Variants in NIPAL3 observed in about 807,000 individuals in gnomAD.
The protein encoded by NIPAL3 is NIPA-like protein 3.
A neutral mutation model predicts 47.2 loss-of-function variants in NIPAL3; 41 were observed. That is an observed-to-expected ratio of 0.87 (90% confidence interval 0.68 to 1.13). NIPAL3 has a LOEUF of 1.13. Among genes scored for constraint, NIPAL3 ranks in the 50% most tolerant of loss-of-function variants. The pLI is 0.00. For synonymous variants in NIPAL3, 194 were observed against 209.6 expected (o/e 0.93, Z 0.64); for missense variants, 449 against 530.1 (o/e 0.85, Z 1.50).
At chr1:24,418,301 G>T (rs1444560186) in intron 1 of NIPAL3, among the ~76,000 whole-genome samples, 2 of 152,298 alleles carry the variant, frequency 1.3e-5, no homozygotes, top group East Asian at 3.9e-4. Context: ...TTTTGGCCAT[G>T]CCTCCTAGGA....
At position 24,469,581 on chromosome 1, in the gene NIPAL3, A is replaced by G. The variant is rs1646837237; in HGVS notation, c.*396A>G. 1.7e-5 allele frequency: 3 copies of G among 174,138 alleles called. No homozygotes were observed. In the South Asian group the frequency reaches 4.5e-4, roughly 26 times the overall value. 10.8% of individuals were successfully genotyped at this position (174,138 alleles called of 1,614,324 possible). A position where few individuals can be genotyped will look rare whatever the true frequency, so the allele number is the denominator to read the frequency against. ...TCTCAAATCCAGCGAAAGGCTGGAC[A>G]TCTCTAAATCTCGTCTTCCTCCACC... On this transcript the variant is annotated 3_prime_UTR_variant, in exon 12 of 12. Transcript: ENST00000374399.
intron 10 of NIPAL3, among the ~76,000 whole-genome samples, chr1:24,463,616 G>A (rs1341085585): frequency 6.6e-6 from 1 of 152,202 alleles, no homozygotes; most frequent in Non-Finnish European, 1.5e-5. Context: ...GAGACCAGGA[G>A]TACAGGGACT....
chr1:24,465,122 GCTT>G (rs1646641376), intron 11 of NIPAL3: 1 of 152,136 alleles, frequency 6.6e-6, no homozygotes, highest in Admixed American at 6.5e-5. Flanking sequence ...CTTCAACCCA[GCTT>G]GTTCAGATTA....
intron 8 of NIPAL3, 96 bp from the exon 9 acceptor site, chr1:24,458,792 A>C: frequency 2.2e-6 from 2 of 894,390 alleles, no homozygotes; most frequent in Non-Finnish European, 3.8e-6. Flanking sequence ...TCCTAAATGT[A>C]TCATCTTCAT....
intron 2 of NIPAL3, among the ~76,000 whole-genome samples, chr1:24,420,811 A>G (rs1644295094): frequency 6.6e-6 from 1 of 152,126 alleles, no homozygotes; most frequent in South Asian, 2.1e-4. Context: ...GCTGTCTCTA[A>G]TCTGGAGTGG....
intron 2 of NIPAL3, among the ~76,000 whole-genome samples, chr1:24,429,690 C>T (rs1644791032): frequency 6.6e-6 from 1 of 152,130 alleles, no homozygotes; most frequent in Admixed American, 6.6e-5. Context: ...TAGGTGCTTG[C>T]TTTATTTGGG....
At chr1:24,414,607 T>C (rs1234685911), upstream of NIPAL3, 1 of 132,850 alleles carries the variant, frequency 7.5e-6, no homozygotes, top group Admixed American at 8.6e-5. Context: ...CGATCTCGAC[T>C]CGCTGCAACC....
intron 5 of NIPAL3, among the ~76,000 whole-genome samples, chr1:24,446,934 C>T (rs1175869986): frequency 2.0e-5 from 3 of 152,144 alleles, no homozygotes. Flanking sequence ...ATTGCCATCC[C>T]CAGGTCTGTG....
chr1:24,453,495 G>T lies in NIPAL3; in HGVS notation c.628G>T (p.Ala210Ser). The T allele has an allele frequency of 6.2e-7, 1 of 1,613,124 alleles. No homozygotes were observed. Among genetic ancestry groups the T allele is most frequent in the Non-Finnish European group, 8.5e-7 (1 of 1,179,560 alleles). Reference sequence around the variant, plus strand: ...CATTGTCGTGATTCTTCTCTTGGTGGCGTTACTTGGTAAGTTGGCATCTGG... The same window carrying T: ...CATTGTCGTGATTCTTCTCTTGGTGTCGTTACTTGGTAAGTTGGCATCTGG... ...NNIVVILLLV[A>S]LLGSMTVVTV... The change falls in exon 7 of 12, where the codon GCG (alanine) becomes TCG (serine). Residue 210 changes from alanine to serine, a missense_variant. Transcript: ENST00000374399.
chr1:24,423,103 C>T (rs974571751), intron 2 of NIPAL3, among the ~76,000 whole-genome samples: 2 of 152,218 alleles, frequency 1.3e-5, no homozygotes, highest in African/African-American at 2.4e-5. Flanking sequence ...ACAGTCTTGA[C>T]TTCAGAGGAA....
intron 3 of NIPAL3, 122 bp downstream of exon 3, chr1:24,440,362 C>T: frequency 1.6e-6 from 1 of 644,068 alleles, no homozygotes; most frequent in Non-Finnish European, 2.4e-6. Flanking sequence ...TGGGCTGCAC[C>T]TGGGACAATA....
rs777365474 is a variant in NIPAL3 at position 24,454,482 on chromosome 1, C to G, written c.637+978C>G. The G allele has an allele frequency of 1.0e-6, 1 of 992,704 alleles. No individual in the cohort carries two copies. The highest frequency in any genetic ancestry group is 1.2e-6 in the Non-Finnish European group (1 of 834,352). The allele number at this position is 992,704 out of a possible 1,614,324, so 61.5% of individuals were successfully genotyped here. A position where few individuals can be genotyped will look rare whatever the true frequency, so the allele number is the denominator to read the frequency against. On this transcript the variant is annotated intron_variant, in intron 7 of 11. Transcript: ENST00000374399. This position sits in a 1 kb window ranked among gnomAD's most constrained non-coding sequence, Gnocchi z 4.1. ...TTCTTCCAACCTTCCTACTGTGTGCCCTACCACCGCCACAAGCCATCAACC... is the reference window on the plus strand; with the variant it reads ...TTCTTCCAACCTTCCTACTGTGTGCGCTACCACCGCCACAAGCCATCAACC...
intron 3 of NIPAL3, among the ~76,000 whole-genome samples, chr1:24,440,725 C>T (rs1645341725): frequency 6.6e-6 from 1 of 152,154 alleles, no homozygotes; most frequent in Non-Finnish European, 1.5e-5. Flanking sequence ...CATGGGGGCA[C>T]CAAGGAGCTG....
chr1:24,426,561 T>C (rs1644600193), intron 2 of NIPAL3, among the ~76,000 whole-genome samples: 1 of 152,166 alleles, frequency 6.6e-6, no homozygotes, highest in Non-Finnish European at 1.5e-5. Context: ...ATTTGGAAGG[T>C]GTACAGTTAT....
chr1:24,449,756 G>A lies in NIPAL3; in HGVS notation c.540+130G>A, dbSNP rs553269893. ...GCACATTTTACCAGCATGAAAGACC[G>A]TGCTTCTGGAGAGTACACAGCTCAT... On this transcript the variant is annotated intron_variant, in intron 6 of 11. Transcript: ENST00000374399. The surrounding 1 kb of genome is among the most constrained non-coding windows in gnomAD (Gnocchi z 4.5). The A allele has an allele frequency of 2.2e-5, 22 of 1,012,540 alleles. No homozygotes were observed. The highest frequency in any genetic ancestry group is 7.9e-5 in the East Asian group (3 of 37,804). 62.7% of individuals were successfully genotyped at this position (1,012,540 alleles called of 1,614,324 possible).
chr1:24,416,107 C>T lies in NIPAL3; in HGVS notation c.-258+203C>T, dbSNP rs193139067. The T allele has an allele frequency of 3.0e-6, 3 of 985,366 alleles. No homozygotes were observed. In the African/African-American group the frequency reaches 5.2e-5, roughly 17 times the overall value. The allele number at this position is 985,366 out of a possible 1,614,324, so 61.0% of individuals were successfully genotyped here. ...CAAGAGGAGCGGGGGCATGGGCTAC[C>T]TTACTAAAGGTGATGCCAGGCTCTA... On this transcript the variant is annotated intron_variant, in intron 1 of 11. Coordinates refer to ENST00000374399, the MANE Select transcript of NIPAL3 (RefSeq NM_020448.5). The surrounding 1 kb of genome is among the most constrained non-coding windows in gnomAD (Gnocchi z 4.8).
rs1178801326 is a variant in NIPAL3, at chr1:24,454,431, T to C, written c.637+927T>C. 9.9e-7 allele frequency: 1 copy of C among 1,009,892 alleles called. No homozygotes were observed. Among genetic ancestry groups the C allele is most frequent in the Non-Finnish European group, 1.2e-6 (1 of 844,548 alleles). 62.6% of individuals were successfully genotyped at this position (1,009,892 alleles called of 1,614,324 possible). A position where few individuals can be genotyped will look rare whatever the true frequency, so the allele number is the denominator to read the frequency against. ...AAGGGAGTGGGGGTTAAATGAGATG[T>C]GCACAGGTGGCTAATATGTGCATTT... On this transcript the variant is annotated intron_variant, in intron 7 of 11. Transcript: ENST00000374399. This position sits in a 1 kb window ranked among gnomAD's most constrained non-coding sequence, Gnocchi z 4.1.
At chr1:24,428,303 A>AGAGAGAGAGG (rs1553133165) in intron 2 of NIPAL3, among the ~76,000 whole-genome samples, 2 of 139,488 alleles carry the variant, frequency 1.4e-5, no homozygotes, top group Non-Finnish European at 3.2e-5. Context: ...AGAGAGAGAG[A>AGAGAGAGAGG]CACCAGAACC....
chr1:24,432,668 G>A (rs1296953212), intron 2 of NIPAL3, among the ~76,000 whole-genome samples: 1 of 152,164 alleles, frequency 6.6e-6, no homozygotes, highest in Non-Finnish European at 1.5e-5. Context: ...TATCCTCTGT[G>A]CCTCAGCTTC....
Sources: allele counts gnomAD v4.1 joint callset (sites outside exome capture counted in the v4.1 genomes callset), GRCh38; gene constraint gnomAD v4.1.1; non-coding constraint Gnocchi (gnomAD v3.1); transcripts MANE v1.5; gene names NCBI Gene and HGNC (gene_info 2026-07-23, HGNC 2026-07-21).